Variants in HACE1 observed in about 807,000 individuals in gnomAD.
HACE1 encodes the protein HECT domain and ankyrin repeat containing E3 ubiquitin protein ligase 1.
Under a neutral mutation model 118.4 loss-of-function variants are expected in HACE1, and 73 were observed. The observed-to-expected ratio is 0.62, with a 90% CI of 0.51 to 0.75. The LOEUF is 0.75. Ranked by LOEUF, HACE1 falls within the 30% of genes least tolerant of loss-of-function variation. HACE1 has a pLI of 0.00. For synonymous variants in HACE1, 368 were observed against 374.8 expected, an observed-to-expected ratio of 0.98 and a Z score of 0.21; for missense variants, 749 against 1,102.2, an observed-to-expected ratio of 0.68 and a Z score of 4.54.
chr6:104,833,353 T>A (rs943159037), intron 5 of HACE1, among the ~76,000 whole-genome samples, 180 bp from the exon 6 acceptor site: 1 of 152,252 alleles, frequency 6.6e-6, no homozygotes, highest in African/African-American at 2.4e-5. Context: ...TTTCCTTTTT[T>A]AAATTTGTTT....
chr6:104,738,892 GA>G (rs1472556562), intron 22 of HACE1, among the ~76,000 whole-genome samples: 2 of 151,064 alleles, frequency 1.3e-5, no homozygotes, highest in Non-Finnish European at 2.9e-5. Context: ...TGAAATGAAG[GA>G]AAAAATGTTA....
chr6:104,833,082 T>C lies in HACE1; in HGVS notation c.494A>G (p.Gln165Arg). Reference sequence around the variant, plus strand: ...CTGGCAGGCAACATGCAGTGCTGTCTGCCCCATGGCATCCTCAACATCAAC... The same window carrying C: ...CTGGCAGGCAACATGCAGTGCTGTCCGCCCCATGGCATCCTCAACATCAAC... ...SDVDVEDAMGQTALHVACQNG... is the reference protein window; with the variant it reads ...SDVDVEDAMGRTALHVACQNG... Residue 165 changes from glutamine (Q) to arginine (R), a missense_variant, in exon 6 of 24, where the codon CAG becomes CGG. By Grantham distance (43) the Gln-to-Arg change is conservative. Around this residue, in one of 5 missense-constraint regions of HACE1, gnomAD observed 120 missense variants for 219.1 expected, o/e 0.55. Coordinates refer to ENST00000262903, the MANE Select transcript of HACE1 (RefSeq NM_020771.4). 6.2e-7 allele frequency: 1 copy of C among 1,613,490 alleles called. No individual in the cohort carries two copies. The highest frequency in any genetic ancestry group is 8.5e-7 in the Non-Finnish European group (1 of 1,179,362).
chr6:104,781,913 T>C (rs373209170), intron 14 of HACE1, among the ~76,000 whole-genome samples: 1 of 152,096 alleles, frequency 6.6e-6, no homozygotes, highest in African/African-American at 2.4e-5. Context: ...GTCAACAAAG[T>C]GGATACCTAA....
chr6:104,818,380 T>C (rs1772333837), intron 6 of HACE1, among the ~76,000 whole-genome samples: 2 of 152,124 alleles, frequency 1.3e-5, no homozygotes, highest in South Asian at 4.1e-4. Context: ...ACTACTGTTA[T>C]AGAAATTACA....
chr6:104,852,230 C>T (rs2499662), intron 2 of HACE1, 87 bp downstream of exon 2: 341,527 of 692,692 alleles, frequency 0.49, 84,303 homozygotes, highest in Non-Finnish European at 0.53. Flanking sequence ...TGTGTGTGTG[C>T]GCGCGTGCGC....
chr6:104,838,844 A>G (rs1774798380), intron 5 of HACE1, among the ~76,000 whole-genome samples: 1 of 144,916 alleles, frequency 6.9e-6, no homozygotes, highest in African/African-American at 2.5e-5. Flanking sequence ...CCATCTGACA[A>G]GGGATTAATA....
intron 7 of HACE1, among the ~76,000 whole-genome samples, chr6:104,802,033 C>CAAAAAA (rs533831848): frequency 1.7e-5 from 1 of 58,770 alleles, no homozygotes; most frequent in Non-Finnish European, 3.8e-5. Flanking sequence ...AACGAAAAGC[C>CAAAAAA]AAAAAAAAAA....
intron 14 of HACE1, among the ~76,000 whole-genome samples, chr6:104,778,253 G>A (rs1781406100): frequency 6.6e-6 from 1 of 152,044 alleles, no homozygotes; most frequent in African/African-American, 2.4e-5. Context: ...TGATTAATCA[G>A]AAAGTACTGA....
In HACE1 at chr6:104,772,090, C is replaced by T. The variant is rs1562334201; in HGVS notation, c.1865-16G>A. 4.4e-6 allele frequency: 6 copies of T among 1,351,568 alleles called. No homozygotes were observed. Among genetic ancestry groups the T allele is most frequent in the Middle Eastern group, 1.8e-4 (1 of 5,590 alleles). 83.7% of individuals were successfully genotyped at this position (1,351,568 alleles called of 1,614,324 possible). On this transcript the variant is annotated splice_polypyrimidine_tract_variant and intron_variant, in intron 17 of 23. Coordinates refer to ENST00000262903, the MANE Select transcript of HACE1 (RefSeq NM_020771.4). Reference sequence around the variant, plus strand: ...AAAGTTGTTCCTATTGAAATAAATACAAAATAATATATTATTAAGAATCTA... The same window carrying T: ...AAAGTTGTTCCTATTGAAATAAATATAAAATAATATATTATTAAGAATCTA...
chr6:104,797,395 T>C (rs1769776090), intron 7 of HACE1, among the ~76,000 whole-genome samples: 1 of 151,492 alleles, frequency 6.6e-6, no homozygotes, highest in Non-Finnish European at 1.5e-5. Context: ...ACCTTCTTCC[T>C]ACCACACACA....
intron 22 of HACE1, among the ~76,000 whole-genome samples, chr6:104,739,440 C>G (rs1051927110): frequency 1.3e-5 from 2 of 152,022 alleles, no homozygotes; most frequent in African/African-American, 4.8e-5. Context: ...TGCAGAGACA[C>G]ACATAGGCTC....
At chr6:104,819,353 G>A (rs2115009152) in intron 6 of HACE1, among the ~76,000 whole-genome samples, 1 of 152,234 alleles carries the variant, frequency 6.6e-6, no homozygotes, top group South Asian at 2.1e-4. Context: ...TCTCTACAAG[G>A]AGAACTACAA....
intron 7 of HACE1, among the ~76,000 whole-genome samples, chr6:104,800,884 G>C (rs1055800469): frequency 6.6e-6 from 1 of 152,164 alleles, no homozygotes; most frequent in African/African-American, 2.4e-5. Context: ...GTTCACAGAA[G>C]TAGGCTTCAG....
intron 7 of HACE1, among the ~76,000 whole-genome samples, chr6:104,800,490 G>A (rs989148585): frequency 6.6e-6 from 1 of 152,118 alleles, no homozygotes; most frequent in African/African-American, 2.4e-5. Context: ...ATATAGGCGG[G>A]TGCCCCTCTG....
intron 17 of HACE1, among the ~76,000 whole-genome samples, chr6:104,774,086 T>C (rs1387323963): frequency 4.6e-5 from 3 of 65,570 alleles, no homozygotes; most frequent in African/African-American, 2.7e-4. Context: ...TTCTCTTTTT[T>C]TTTTTTTTTT....
chr6:104,822,813 C>T (rs570351670), intron 6 of HACE1, among the ~76,000 whole-genome samples: 41 of 151,832 alleles, frequency 2.7e-4, no homozygotes, highest in African/African-American at 8.7e-4. Context: ...GCGGAGATCG[C>T]GCCACTGCAC....
At chr6:104,827,636 G>A (rs1773468360) in intron 6 of HACE1, among the ~76,000 whole-genome samples, 1 of 152,132 alleles carries the variant, frequency 6.6e-6, no homozygotes, top group Non-Finnish European at 1.5e-5. Flanking sequence ...AATATACTCT[G>A]AAATGTTAGT....
intron 19 of HACE1, among the ~76,000 whole-genome samples, chr6:104,755,424 G>C (rs1229026956): frequency 1.3e-5 from 2 of 152,174 alleles, no homozygotes; most frequent in African/African-American, 4.8e-5. Flanking sequence ...TCTGTATCAA[G>C]TGGACCTGAT....
intron 14 of HACE1, among the ~76,000 whole-genome samples, chr6:104,781,327 A>C (rs924279014): frequency 6.6e-6 from 1 of 151,928 alleles, no homozygotes; most frequent in African/African-American, 2.4e-5. Context: ...TAACCCCATC[A>C]GTCTTTGAAC....
Sources: gnomAD v4.1 joint callset for allele counts (sites outside exome capture counted in the v4.1 genomes callset) on GRCh38, gnomAD v4.1.1 for gene constraint, gnomAD v4.1.1 regional missense constraint, MANE v1.5 for transcripts, NCBI Gene and HGNC (gene_info 2026-07-23, HGNC 2026-07-21) for gene names.